DPH6: variants seen among roughly 807,000 people sequenced by gnomAD.
DPH6 encodes the protein diphthine--ammonia ligase.
In DPH6, 33 loss-of-function variants were observed where a neutral mutation model predicts 38.2. That is an observed-to-expected ratio of 0.86 (90% CI 0.65 to 1.15). DPH6 has a LOEUF of 1.15. Among genes scored for constraint, DPH6 ranks in the 50% most tolerant of loss-of-function variants. The pLI, the probability that DPH6 is intolerant of heterozygous loss-of-function variation, is 0.00. For missense variants in DPH6, 325 were observed against 320.0 expected, an observed-to-expected ratio of 1.02 and a Z score of -0.12; for synonymous variants, 108 against 103.0, an observed-to-expected ratio of 1.05 and a Z score of -0.30.
intron 3 of DPH6, among the ~76,000 whole-genome samples, chr15:35,463,568 C>T (rs776543233): frequency 2.6e-5 from 4 of 151,892 alleles, no homozygotes; most frequent in Non-Finnish European, 4.4e-5. Context: ...TAAGGCTAAG[C>T]GAAGCAAATG....
At chr15:35,309,053 C>A (rs929124527) in intron 3 of DPH6, among the ~76,000 whole-genome samples, 1 of 152,190 alleles carries the variant, frequency 6.6e-6, no homozygotes, top group African/African-American at 2.4e-5. Flanking sequence ...GCTAAATATA[C>A]TTCACAGAGG....
At chr15:35,338,363 T>C (rs1451816015) in intron 3 of DPH6, among the ~76,000 whole-genome samples, 1 of 151,986 alleles carries the variant, frequency 6.6e-6, no homozygotes, top group East Asian at 1.9e-4. Context: ...CATCAAAAAG[T>C]GGGCGAAGGA....
intron 3 of DPH6, among the ~76,000 whole-genome samples, chr15:35,344,717 GT>G (rs1174518753): frequency 6.6e-6 from 1 of 151,854 alleles, no homozygotes; most frequent in Non-Finnish European, 1.5e-5. Context: ...TCCATACTCT[GT>G]CTAACTGAAT....
intron 3 of DPH6, among the ~76,000 whole-genome samples, chr15:35,484,287 C>T (rs550794017): frequency 5.8e-4 from 88 of 152,308 alleles, no homozygotes; most frequent in Admixed American, 5.0e-3. Flanking sequence ...CAAGAAACTA[C>T]GCTAAAATGT....
chr15:35,408,975 G>A (rs2053329890), intron 6 of DPH6, among the ~76,000 whole-genome samples: 1 of 151,880 alleles, frequency 6.6e-6, no homozygotes, highest in South Asian at 2.1e-4. Context: ...GGGACAATCT[G>A]TATTATGTTT....
intron 3 of DPH6, among the ~76,000 whole-genome samples, chr15:35,364,436 T>A (rs956994719): frequency 6.6e-6 from 1 of 151,968 alleles, no homozygotes; most frequent in African/African-American, 2.4e-5. Context: ...AGTATTTATA[T>A]CTTCAAAAAA....
At chr15:35,159,585 AAAGG>A in the DPH6 span, among the ~76,000 whole-genome samples, 9 of 152,084 alleles carry the variant, frequency 5.9e-5, no homozygotes, top group Non-Finnish European at 7.4e-5. Context: ...ACTGCAGAGA[AAAGG>A]AAACACGTAT....
chr15:35,503,433 C>T (rs1210911422), intron 3 of DPH6, among the ~76,000 whole-genome samples: 4 of 152,038 alleles, frequency 2.6e-5, no homozygotes, highest in African/African-American at 9.7e-5. Context: ...TAAAATTCTC[C>T]TCAAAGCACT....
chr15:35,352,227 T>G (rs2052519009), intron 3 of DPH6, among the ~76,000 whole-genome samples: 1 of 152,222 alleles, frequency 6.6e-6, no homozygotes. Context: ...TTAGCTTTTT[T>G]TTTGTTTCAA....
intron 5 of DPH6, among the ~76,000 whole-genome samples, chr15:35,445,458 G>T (rs1053536581): frequency 6.8e-6 from 1 of 148,018 alleles, no homozygotes; most frequent in Admixed American, 6.7e-5. Flanking sequence ...TCATGAATAT[G>T]AACTGCCTGG....
intron 5 of DPH6, among the ~76,000 whole-genome samples, chr15:35,435,109 T>C (rs1298528698): frequency 1.3e-5 from 2 of 152,126 alleles, no homozygotes; most frequent in East Asian, 3.9e-4. Context: ...AATACTGTAT[T>C]GTTAGAAATA....
intron 3 of DPH6, among the ~76,000 whole-genome samples, chr15:35,501,296 C>A (rs1262977555): frequency 6.6e-6 from 1 of 152,042 alleles, no homozygotes; most frequent in African/African-American, 2.4e-5. Flanking sequence ...TTGTTTCTTT[C>A]CTCTTTAGCA....
At chr15:35,408,060 G>C (rs746111183) in intron 6 of DPH6, among the ~76,000 whole-genome samples, 1 of 152,022 alleles carries the variant, frequency 6.6e-6, no homozygotes, top group African/African-American at 2.4e-5. Flanking sequence ...TTCCAGACAA[G>C]AGGTGATTAT....
intron 3 of DPH6, among the ~76,000 whole-genome samples, chr15:35,354,597 A>G (rs987929240): frequency 6.6e-6 from 1 of 152,152 alleles, no homozygotes; most frequent in African/African-American, 2.4e-5. Context: ...TGATTTGCCT[A>G]TGTTGAACTA....
At chr15:35,182,187 A>T in the DPH6 span, among the ~76,000 whole-genome samples, 2 of 150,438 alleles carry the variant, frequency 1.3e-5, no homozygotes, top group Non-Finnish European at 1.5e-5. Context: ...AACATAAGAA[A>T]ATAATGCTGA....
intron 3 of DPH6, among the ~76,000 whole-genome samples, chr15:35,359,247 C>G (rs555737582): frequency 1.3e-5 from 2 of 152,212 alleles, no homozygotes; most frequent in South Asian, 2.1e-4. Flanking sequence ...CTCAACACCC[C>G]CCAGACTGTT....
chr15:35,296,434 C>T (rs1016230889), intron 3 of DPH6, among the ~76,000 whole-genome samples: 1 of 152,152 alleles, frequency 6.6e-6, no homozygotes. Context: ...ATTGACCCTA[C>T]CACTTTTTAC....
chr15:35,394,896 C>A (rs1188275588), intron 6 of DPH6, among the ~76,000 whole-genome samples: 1 of 152,128 alleles, frequency 6.6e-6, no homozygotes, highest in Non-Finnish European at 1.5e-5. Context: ...AAGTTATCAG[C>A]TTAGAACCAA....
chr15:35,429,746 A>G (rs1056368073), intron 5 of DPH6, among the ~76,000 whole-genome samples: 2 of 152,172 alleles, frequency 1.3e-5, no homozygotes, highest in African/African-American at 4.8e-5. Context: ...AAACTATATA[A>G]GGGAATTAAA....
Sources: allele counts gnomAD v4.1 joint callset (sites outside exome capture counted in the v4.1 genomes callset), GRCh38; gene constraint gnomAD v4.1.1; transcripts MANE v1.5; gene names NCBI Gene and HGNC (gene_info 2026-07-23, HGNC 2026-07-21).